Variants in CTNNA3 observed in about 807,000 individuals in gnomAD.
CTNNA3 encodes catenin alpha 3.
A neutral mutation model predicts 95.7 loss-of-function variants in CTNNA3; 76 were observed. That is an observed-to-expected ratio of 0.79 (90% confidence interval 0.66 to 0.96). The LOEUF (loss-of-function observed/expected upper bound fraction) is 0.96, where lower values mean the gene tolerates loss of function less well. Among genes scored for constraint, CTNNA3 ranks in the 40% least tolerant of loss-of-function variants. The pLI, the probability that CTNNA3 is intolerant of heterozygous loss-of-function variation, is 0.00. For synonymous variants in CTNNA3, 431 were observed against 374.4 expected, an observed-to-expected ratio of 1.15 and a Z score of -1.74; for missense variants, 1,191 against 1,089.8, an observed-to-expected ratio of 1.09 and a Z score of -1.31.
chr10:66,061,046 T>C (rs2080185831), intron 15 of CTNNA3, among the ~76,000 whole-genome samples: 1 of 152,112 alleles, frequency 6.6e-6, no homozygotes, highest in African/African-American at 2.4e-5. Context: ...AGAAGATGTA[T>C]AAAAGGAATG....
intron 9 of CTNNA3, among the ~76,000 whole-genome samples, chr10:66,641,658 T>G (rs1044736650): frequency 2.6e-5 from 4 of 152,144 alleles, no homozygotes; most frequent in African/African-American, 9.7e-5. Flanking sequence ...TTTTTCATTG[T>G]GATAAAAAAC....
intron 12 of CTNNA3, among the ~76,000 whole-genome samples, chr10:66,367,962 G>T (rs1164184178): frequency 6.8e-6 from 1 of 146,478 alleles, no homozygotes; most frequent in Non-Finnish European, 1.5e-5. Flanking sequence ...ATTCTAATGT[G>T]GATCCATTGC....
chr10:66,331,931 T>A (rs1478760394), intron 12 of CTNNA3, among the ~76,000 whole-genome samples: 8 of 152,092 alleles, frequency 5.3e-5, no homozygotes, highest in Non-Finnish European at 7.4e-5. Flanking sequence ...TTCCTACCCA[T>A]GAGCATGGAA....
At chr10:66,792,527 G>T (rs562937442) in intron 7 of CTNNA3, among the ~76,000 whole-genome samples, 1 of 152,134 alleles carries the variant, frequency 6.6e-6, no homozygotes, top group South Asian at 2.1e-4. Context: ...GAGTAGCAAG[G>T]ATGTAGAGTA....
At position 66,487,507 on chromosome 10, in the gene CTNNA3, C is replaced by A. The variant is rs549819433; in HGVS notation, c.1531+33110G>T. The stretch of plus-strand genomic sequence containing the variant: ...CCCCAAAGTGCTGAGATTACAGGCG[C>A]GGAGCCACTGTGCCCGGCCTAAAAG... On this transcript the variant is annotated intron_variant, in intron 11 of 17. Coordinates refer to ENST00000433211, the MANE Select transcript of CTNNA3 (RefSeq NM_013266.4). Among the ~76,000 whole-genome samples the A allele has an allele frequency of 6.6e-5, 10 of 151,990 alleles. No homozygotes were observed. The East Asian group carries it at 1.9e-3, about 30-fold the overall frequency.
Position 66,517,752 on chromosome 10 carries a change from C to T in CTNNA3, c.1531+2865G>A, listed in dbSNP as rs572959546. Among the ~76,000 whole-genome samples, 3 of 152,144 alleles carry T rather than the reference C, an allele frequency of 2.0e-5. No individual in the cohort carries two copies. In the East Asian group the frequency reaches 5.8e-4, roughly 29 times the overall value. On this transcript the variant is annotated intron_variant, in intron 11 of 17. Coordinates refer to ENST00000433211, the MANE Select transcript of CTNNA3 (RefSeq NM_013266.4). The stretch of plus-strand genomic sequence containing the variant: ...ATTGCAGACTTACCCCCAATTTTTT[C>T]TTGCACAAGATCCAAGAACCCTCTC...
intron 5 of CTNNA3, among the ~76,000 whole-genome samples, chr10:67,439,155 G>C (rs1377674062): frequency 6.6e-6 from 1 of 152,020 alleles, no homozygotes; most frequent in African/African-American, 2.4e-5. Flanking sequence ...TTGAGGAGAG[G>C]AAAGCAAATA....
chr10:66,691,114 A>G (rs1022963734), intron 9 of CTNNA3, among the ~76,000 whole-genome samples: 2 of 152,168 alleles, frequency 1.3e-5, no homozygotes, highest in South Asian at 4.1e-4. Context: ...GACGCAGGAC[A>G]GTGGGTGCAG....
At chr10:66,680,815 A>AATGAG (rs1847041177) in intron 9 of CTNNA3, among the ~76,000 whole-genome samples, 1 of 152,220 alleles carries the variant, frequency 6.6e-6, no homozygotes, top group South Asian at 2.1e-4. Flanking sequence ...CCAAGGTAAG[A>AATGAG]ATGAGCTTGG....
At chr10:67,358,872 A>G (rs1564593819) in intron 5 of CTNNA3, among the ~76,000 whole-genome samples, 1 of 152,080 alleles carries the variant, frequency 6.6e-6, no homozygotes, top group Non-Finnish European at 1.5e-5. Context: ...AAGGCCCCAG[A>G]ATGGATTTGG....
Position 66,520,791 on chromosome 10 carries a change from G to T in CTNNA3, c.1375-18C>A, listed in dbSNP as rs1184016605. ...TTAATAATCTATAAAGATAAGGATT[G>T]AAAAAATTACCTATTGGTTGCAATG... On this transcript the variant is annotated intron_variant, in intron 10 of 17. Transcript: ENST00000433211. The T allele has an allele frequency of 6.2e-7, 1 of 1,604,100 alleles. No homozygotes were observed. Among genetic ancestry groups the T allele is most frequent in the East Asian group, 2.2e-5 (1 of 44,466 alleles).
intron 7 of CTNNA3, among the ~76,000 whole-genome samples, chr10:66,857,061 C>T (rs1008709078): frequency 2.0e-5 from 3 of 151,928 alleles, no homozygotes; most frequent in Non-Finnish European, 2.9e-5. Flanking sequence ...AGTCTTAATC[C>T]GTCTTGAGTT....
At chr10:66,105,531 A>G (rs529047919) in intron 13 of CTNNA3, among the ~76,000 whole-genome samples, 1 of 152,150 alleles carries the variant, frequency 6.6e-6, no homozygotes, top group South Asian at 2.1e-4. Flanking sequence ...TTCATCATCC[A>G]CTCCTATAGT....
intron 9 of CTNNA3, among the ~76,000 whole-genome samples, chr10:66,738,864 C>A (rs1316889405): frequency 6.6e-6 from 1 of 152,176 alleles, no homozygotes; most frequent in African/African-American, 2.4e-5. Context: ...ATTTCCCGCA[C>A]TACTGGTATT....
At chr10:66,173,588 C>G (rs752140351) in intron 13 of CTNNA3, among the ~76,000 whole-genome samples, 29 of 151,778 alleles carry the variant, frequency 1.9e-4, no homozygotes, top group Admixed American at 6.6e-5. Flanking sequence ...AAAGCTGAGA[C>G]AGGAGGATCA....
intron 9 of CTNNA3, among the ~76,000 whole-genome samples, chr10:66,719,301 T>C (rs1266671586): frequency 6.6e-6 from 1 of 152,198 alleles, no homozygotes; most frequent in Non-Finnish European, 1.5e-5. Context: ...AATAGACACA[T>C]ACAGAGTATC....
intron 9 of CTNNA3, among the ~76,000 whole-genome samples, chr10:66,690,943 C>T (rs536056518): frequency 1.4e-4 from 21 of 152,222 alleles, no homozygotes; most frequent in South Asian, 6.2e-4. Context: ...CCACCAACAG[C>T]GTAAAAGTGT....
At chr10:66,154,741 TTTCCCTTGAACA>T (rs1564706937) in intron 13 of CTNNA3, among the ~76,000 whole-genome samples, 6 of 142,690 alleles carry the variant, frequency 4.2e-5, no homozygotes, top group South Asian at 2.2e-4. Context: ...TATATATATA[TTTCCCTTGAACA>T]ATTTATATGA....
intron 14 of CTNNA3, among the ~76,000 whole-genome samples, chr10:66,096,015 T>A (rs1656057419): frequency 1.3e-5 from 2 of 152,274 alleles, no homozygotes; most frequent in East Asian, 1.9e-4. Context: ...TGACAAATAA[T>A]GTATCTTTAA....
Sources: gnomAD v4.1 joint callset for allele counts (sites outside exome capture counted in the v4.1 genomes callset) on GRCh38, gnomAD v4.1.1 for gene constraint, MANE v1.5 for transcripts, NCBI Gene and HGNC (gene_info 2026-07-23, HGNC 2026-07-21) for gene names.